The following ST6GALNAC5 variants were observed in gnomAD, a reference collection of about 807,000 sequenced individuals.
The protein encoded by ST6GALNAC5 is alpha-N-acetylgalactosaminide alpha-2,6-sialyltransferase 5.
In ST6GALNAC5, 27 loss-of-function variants were observed where a neutral mutation model predicts 33.6. That is an observed-to-expected ratio of 0.80 (90% CI 0.59 to 1.11). ST6GALNAC5 has a LOEUF of 1.11. ST6GALNAC5 is among the 50% of genes least tolerant of loss of function. The pLI is 0.00. For missense variants in ST6GALNAC5, 428 were observed against 454.0 expected (o/e 0.94, Z 0.52); for synonymous variants, 194 against 171.2 (o/e 1.13, Z -1.04).
intron 2 of ST6GALNAC5, among the ~76,000 whole-genome samples, chr1:76,999,634 TCC>T (rs908803493): frequency 4.2e-5 from 6 of 144,304 alleles, no homozygotes; most frequent in Non-Finnish European, 9.1e-5. Context: ...ATGCTATCCC[TCC>T]CCCCTGCCCC....
intron 2 of ST6GALNAC5, among the ~76,000 whole-genome samples, chr1:77,007,396 A>T (rs12065122): frequency 2.6e-5 from 4 of 152,000 alleles, no homozygotes; most frequent in Non-Finnish European, 5.9e-5. Flanking sequence ...GAATCTACTC[A>T]TGTCTGGAAC....
chr1:76,925,310 T>G (rs1403244), intron 2 of ST6GALNAC5, among the ~76,000 whole-genome samples: 1 of 151,752 alleles, frequency 6.6e-6, no homozygotes, highest in African/African-American at 2.4e-5. Flanking sequence ...ATATCCAAAC[T>G]GTATCACCTG....
intron 2 of ST6GALNAC5, among the ~76,000 whole-genome samples, chr1:77,036,546 A>AATGGAATG (rs1308453961): frequency 6.6e-6 from 1 of 152,254 alleles, no homozygotes; most frequent in Non-Finnish European, 1.5e-5. Context: ...TGACATATGC[A>AATGGAATG]GATTCCAAAT....
intron 2 of ST6GALNAC5, among the ~76,000 whole-genome samples, chr1:77,040,927 A>G (rs1051501907): frequency 6.6e-6 from 1 of 152,174 alleles, no homozygotes; most frequent in Non-Finnish European, 1.5e-5. Context: ...GAACAAATCA[A>G]TGTTGTCTGG....
At chr1:77,010,331 C>T (rs1185323046) in intron 2 of ST6GALNAC5, among the ~76,000 whole-genome samples, 1 of 152,026 alleles carries the variant, frequency 6.6e-6, no homozygotes, top group Non-Finnish European at 1.5e-5. Context: ...CCCATCTCTA[C>T]TAAAAATACA....
chr1:77,007,804 A>C (rs770335094), intron 2 of ST6GALNAC5, among the ~76,000 whole-genome samples: 4 of 152,232 alleles, frequency 2.6e-5, no homozygotes, highest in Non-Finnish European at 5.9e-5. Flanking sequence ...TTACTTTTGC[A>C]CCAACCTAAT....
chr1:77,053,378 C>T (rs1026285076), intron 4 of ST6GALNAC5, among the ~76,000 whole-genome samples: 6 of 152,146 alleles, frequency 3.9e-5, no homozygotes, highest in African/African-American at 1.4e-4. Context: ...TGTGTGTTTA[C>T]TTCAGTGTTG....
At position 76,977,138 on chromosome 1, in the gene ST6GALNAC5, T is replaced by C. The variant is rs1222429222; in HGVS notation, c.262-67066T>C. Among the ~76,000 whole-genome samples, 4 of 152,224 alleles carry C rather than the reference T, an allele frequency of 2.6e-5. No homozygotes were observed. The South Asian group carries it at 8.3e-4, about 31-fold the overall frequency. ...TTCTAATTTCCTGAAAGATATTTAA[T>C]ACATTTCTTTCCACTTTATTTTTCA... On this transcript the variant is annotated intron_variant, in intron 2 of 4. Transcript: ENST00000477717.
chr1:77,054,980 C>A lies in ST6GALNAC5; in HGVS notation c.779+4615C>A, dbSNP rs548055086. 1.3e-3 allele frequency among the ~76,000 whole-genome samples: 192 copies of A among 152,204 alleles called. 2 individuals carry two copies. The Middle Eastern group carries it at 0.024, about 19-fold the overall frequency. On this transcript the variant is annotated intron_variant, in intron 4 of 4. Coordinates refer to ENST00000477717, the MANE Select transcript of ST6GALNAC5 (RefSeq NM_030965.3). The stretch of plus-strand genomic sequence containing the variant: ...TCAAGATCTGGCAGAATCTAACTGA[C>A]TCAAAGTCATTTGAATGGCATGCAG...
rs527743053 is a variant in ST6GALNAC5 at position 76,904,194 on chromosome 1, C to T, written c.261+35452C>T. On this transcript the variant is annotated intron_variant, in intron 2 of 4. Coordinates refer to ENST00000477717, the MANE Select transcript of ST6GALNAC5 (RefSeq NM_030965.3). ...TCATGGGAAAAGGATGAATAGATGC[C>T]AGATGGTAAGAAGGGTGAAAGTCTA... Among the ~76,000 whole-genome samples, 47 of 152,198 alleles carry T rather than the reference C, an allele frequency of 3.1e-4. 1 individual carries two copies. The South Asian group carries it at 6.6e-3, about 21-fold the overall frequency.
At chr1:76,999,655 C>A (rs547066772) in intron 2 of ST6GALNAC5, among the ~76,000 whole-genome samples, 86 of 149,946 alleles carry the variant, frequency 5.7e-4, no homozygotes, top group African/African-American at 1.8e-3. Context: ...CCCACCCCAC[C>A]ACAGTCCCCA....
chr1:77,039,049 T>C (rs1378618342), intron 2 of ST6GALNAC5, among the ~76,000 whole-genome samples: 2 of 152,094 alleles, frequency 1.3e-5, no homozygotes, highest in Non-Finnish European at 2.9e-5. Flanking sequence ...AAAAATAAAA[T>C]GGTAAGATCT....
At position 77,044,378 on chromosome 1, in the gene ST6GALNAC5, C is replaced by T; in HGVS notation, c.436C>T (p.His146Tyr). ...TCGCACCAGCCTGAGGGTCATCGCG[C>T]ATTCCAGCATCCAGAGGATCCTCCG... The part of the protein sequence containing the change: ...GNRTSLRVIA[H>Y]SSIQRILRNR... The change falls in exon 3 of 5, where the codon CAT becomes TAT. Residue 146 changes from histidine (H) to tyrosine (Y), a missense_variant. His to Tyr is a moderately conservative substitution (Grantham distance 83). Coordinates refer to ENST00000477717, the MANE Select transcript of ST6GALNAC5 (RefSeq NM_030965.3). The T allele has an allele frequency of 6.2e-7, 1 of 1,613,864 alleles. No individual in the cohort carries two copies. The highest frequency in any genetic ancestry group is 1.3e-5 in the African/African-American group (1 of 75,054).
At chr1:76,947,814 A>T (rs1041353933) in intron 2 of ST6GALNAC5, among the ~76,000 whole-genome samples, 4 of 152,152 alleles carry the variant, frequency 2.6e-5, no homozygotes, top group Non-Finnish European at 5.9e-5. Context: ...GGGCATATGT[A>T]TAACTTCCCC....
At chr1:76,876,566 T>C (rs917032379) in intron 2 of ST6GALNAC5, among the ~76,000 whole-genome samples, 1 of 152,222 alleles carries the variant, frequency 6.6e-6, no homozygotes, top group African/African-American at 2.4e-5. Flanking sequence ...TTGTCACCAA[T>C]TTTCCAGTCG....
intron 4 of ST6GALNAC5, among the ~76,000 whole-genome samples, chr1:77,056,309 T>C (rs1386867991): frequency 6.6e-6 from 1 of 152,256 alleles, no homozygotes; most frequent in Non-Finnish European, 1.5e-5. Flanking sequence ...TTATGCTAAG[T>C]ATTTAATCTC....
At chr1:77,054,758 G>C (rs1199321922) in intron 4 of ST6GALNAC5, among the ~76,000 whole-genome samples, 1 of 152,150 alleles carries the variant, frequency 6.6e-6, no homozygotes, top group Non-Finnish European at 1.5e-5. Context: ...CTGGAGGTCT[G>C]CCTTCTCATC....
At chr1:76,898,281 G>A (rs550310598) in intron 2 of ST6GALNAC5, among the ~76,000 whole-genome samples, 47 of 152,316 alleles carry the variant, frequency 3.1e-4, no homozygotes, top group African/African-American at 9.9e-4. Flanking sequence ...TGGCAGCTGC[G>A]GTTCAGGCCT....
intron 3 of ST6GALNAC5, 24 bp downstream of exon 3, chr1:77,044,637 T>A (rs776191722): frequency 6.6e-7 from 1 of 1,522,428 alleles, no homozygotes; most frequent in South Asian, 1.3e-5. Context: ...GGGAAGAAGA[T>A]GCAGGGGAGG....
Sources: allele counts gnomAD v4.1 joint callset (sites outside exome capture counted in the v4.1 genomes callset), GRCh38; gene constraint gnomAD v4.1.1; transcripts MANE v1.5; gene names NCBI Gene and HGNC (gene_info 2026-07-23, HGNC 2026-07-21).